Variants in SYN2 observed in about 807,000 individuals in gnomAD.
SYN2 encodes synapsin-2.
A neutral mutation model predicts 50.9 loss-of-function variants in SYN2; 19 were observed. The ratio of observed to expected loss-of-function variants is 0.37; its 90% CI spans 0.26 to 0.55. The LOEUF (loss-of-function observed/expected upper bound fraction) is 0.55. SYN2 is among the 20% of genes least tolerant of loss of function. SYN2 has a pLI of 0.81. For synonymous variants in SYN2, 255 were observed against 224.9 expected (o/e 1.13, Z -1.20); for missense variants, 587 against 576.4 (o/e 1.02, Z -0.19).
At chr3:12,090,962 G>A (rs541429609) in intron 1 of SYN2, among the ~76,000 whole-genome samples, 1 of 152,224 alleles carries the variant, frequency 6.6e-6, no homozygotes, top group African/African-American at 2.4e-5. Flanking sequence ...ATAATATTGT[G>A]TTCCATAATG....
At chr3:12,090,132 CT>C (rs964188892) in intron 1 of SYN2, among the ~76,000 whole-genome samples, 10 of 152,014 alleles carry the variant, frequency 6.6e-5, no homozygotes, top group East Asian at 1.9e-4. Flanking sequence ...TAATTTTGAA[CT>C]TTTTTTTCTT....
intron 1 of SYN2, among the ~76,000 whole-genome samples, chr3:12,056,398 T>G (rs1694989708): frequency 7.2e-6 from 1 of 138,236 alleles, no homozygotes; most frequent in African/African-American, 2.6e-5. Context: ...AACAACTCAT[T>G]AAACTCATTA....
chr3:12,153,503 C>T, intron 5 of SYN2: 1 of 1,612,684 alleles, frequency 6.2e-7, no homozygotes, highest in Non-Finnish European at 8.5e-7. Flanking sequence ...ATGTGATGGT[C>T]ACTGGTCCCT....
chr3:12,140,545 T>A (rs1377340993), intron 1 of SYN2, 106 bp from the exon 2 acceptor site: 2 of 712,306 alleles, frequency 2.8e-6, no homozygotes, highest in Non-Finnish European at 5.2e-6. Context: ...CTCTTGACCC[T>A]CATTCTGGAG....
At chr3:12,010,841 T>A (rs1693898711) in intron 1 of SYN2, among the ~76,000 whole-genome samples, 2 of 152,222 alleles carry the variant, frequency 1.3e-5, no homozygotes, top group Admixed American at 1.3e-4. Context: ...CTTAATTCAG[T>A]ACCTCCTTGT....
intron 5 of SYN2, among the ~76,000 whole-genome samples, chr3:12,155,811 CAG>C (rs1697439885): frequency 6.6e-6 from 1 of 152,178 alleles, no homozygotes; most frequent in East Asian, 1.9e-4. Context: ...GCTAGACACA[CAG>C]AGGGCAGGTG....
intron 1 of SYN2, among the ~76,000 whole-genome samples, chr3:12,066,003 A>G (rs1445983448): frequency 2.0e-5 from 3 of 152,184 alleles, no homozygotes; most frequent in Admixed American, 6.5e-5. Context: ...AGGCATTAGG[A>G]GGTGACTGGT....
At chr3:12,173,635 G>A (rs913912857) in intron 10 of SYN2, among the ~76,000 whole-genome samples, 1 of 152,148 alleles carries the variant, frequency 6.6e-6, no homozygotes, top group Non-Finnish European at 1.5e-5. Flanking sequence ...CCTCCATGAG[G>A]CCAGACGCAG....
chr3:12,107,613 AATGCTG>A (rs1452882844), intron 1 of SYN2, among the ~76,000 whole-genome samples: 1 of 152,240 alleles, frequency 6.6e-6, no homozygotes, highest in African/African-American at 2.4e-5. Context: ...TACTTTAAAG[AATGCTG>A]GCCAGTGAGT....
intron 1 of SYN2, among the ~76,000 whole-genome samples, chr3:12,085,377 ACACG>A (rs1320291272): frequency 1.9e-4 from 28 of 151,068 alleles, no homozygotes; most frequent in African/African-American, 6.6e-4. Flanking sequence ...ACACACACAC[ACACG>A]CACGCACGCA....
intron 11 of SYN2, chr3:12,184,355 C>T (rs2124835697): frequency 1.0e-6 from 1 of 985,904 alleles, no homozygotes; most frequent in Non-Finnish European, 1.2e-6. Context: ...AGGCTGCTTT[C>T]TGTTCCCAAA....
At chr3:12,133,989 T>G (rs543877429) in intron 1 of SYN2, among the ~76,000 whole-genome samples, 2 of 152,142 alleles carry the variant, frequency 1.3e-5, no homozygotes, top group Admixed American at 1.3e-4. Context: ...CTACAGAGTT[T>G]TTGTTTGGGA....
intron 1 of SYN2, among the ~76,000 whole-genome samples, chr3:12,026,742 A>G (rs1694267872): frequency 6.6e-6 from 1 of 152,208 alleles, no homozygotes; most frequent in Non-Finnish European, 1.5e-5. Flanking sequence ...GCCACTTTGT[A>G]AAGAGACTTG....
chr3:12,040,784 G>A (rs915030813), intron 1 of SYN2, among the ~76,000 whole-genome samples: 1 of 152,160 alleles, frequency 6.6e-6, no homozygotes, highest in African/African-American at 2.4e-5. Context: ...AGTGGAAGAG[G>A]ACTAAGTCTC....
chr3:12,147,326 G>A (rs1472823225), intron 4 of SYN2, among the ~76,000 whole-genome samples: 1 of 152,070 alleles, frequency 6.6e-6, no homozygotes, highest in African/African-American at 2.4e-5. Flanking sequence ...AGCTTGGAGT[G>A]TAAGAAAAAG....
At chr3:12,050,614 G>A (rs1694834852) in intron 1 of SYN2, among the ~76,000 whole-genome samples, 1 of 150,718 alleles carries the variant, frequency 6.6e-6, no homozygotes, top group Non-Finnish European at 1.5e-5. Context: ...AAAGTGCTGG[G>A]ATTACAGGCG....
intron 1 of SYN2, among the ~76,000 whole-genome samples, chr3:12,099,964 C>CAAAAAAAAAAA (rs1413918070): frequency 1.3e-4 from 1 of 7,622 alleles, no homozygotes; most frequent in Non-Finnish European, 2.4e-4. Flanking sequence ...GACTCTGTCT[C>CAAAAAAAAAAA]AAAAAAAAAA....
intron 1 of SYN2, among the ~76,000 whole-genome samples, chr3:12,025,797 TCTGCTGCCTCA>T (rs972446069): frequency 8.0e-4 from 122 of 152,278 alleles, no homozygotes; most frequent in Non-Finnish European, 1.2e-4. Flanking sequence ...CTGTGCCTTC[TCTGCTGCCTCA>T]CTGAATCTCT....
intron 1 of SYN2, among the ~76,000 whole-genome samples, chr3:12,139,897 T>C (rs553540157): frequency 6.6e-6 from 1 of 152,298 alleles, no homozygotes; most frequent in East Asian, 1.9e-4. Flanking sequence ...CATAAAAATA[T>C]CTGCTTATAA....
Sources: gnomAD v4.1 joint callset for allele counts (sites outside exome capture counted in the v4.1 genomes callset) on GRCh38, gnomAD v4.1.1 for gene constraint, MANE v1.5 for transcripts, NCBI Gene and HGNC (gene_info 2026-07-23, HGNC 2026-07-21) for gene names.